PCDHGB3: variants seen among roughly 807,000 people sequenced by gnomAD.
PCDHGB3 encodes the protein protocadherin gamma-B3.
Under a neutral mutation model 59.2 loss-of-function variants are expected in PCDHGB3, and 40 were observed. The observed-to-expected ratio is 0.68, with a 90% CI of 0.52 to 0.88. PCDHGB3 has a LOEUF of 0.88. Ranked by LOEUF, PCDHGB3 falls within the 40% of genes least tolerant of loss-of-function variation. The probability of loss-of-function intolerance (pLI) is 0.00; values close to 1 mark genes in which losing one functional copy is unlikely to be tolerated. For synonymous variants in PCDHGB3, 581 were observed against 503.6 expected (o/e 1.15, Z -2.06); for missense variants, 1,309 against 1,187.9 (o/e 1.10, Z -1.50).
intron 2 of PCDHGB3, 30 bp from the exon 3 acceptor site, chr5:141,505,361 AGT>A: frequency 6.2e-7 from 1 of 1,613,910 alleles, no homozygotes; most frequent in Non-Finnish European, 8.5e-7. Context: ...CCGGCCTGGG[AGT>A]CTGTGCTCAC....
chr5:141,457,020 C>A (rs2098903789), intron 1 of PCDHGB3, among the ~76,000 whole-genome samples: 1 of 152,086 alleles, frequency 6.6e-6, no homozygotes, highest in Non-Finnish European at 1.5e-5. Flanking sequence ...AATAAAAAGT[C>A]CTAGTAGACT....
intron 1 of PCDHGB3, chr5:141,399,958 G>C: frequency 1.2e-6 from 2 of 1,612,122 alleles, no homozygotes; most frequent in Middle Eastern, 3.8e-4. Context: ...TAGCGAGCCC[G>C]GGCTCTTCAG....
Position 141,372,026 on chromosome 5 carries a change from C to T in PCDHGB3, c.1632C>T (p.Ala544=), listed in dbSNP as rs1469685060. 6.2e-7 allele frequency: 1 copy of T among 1,613,330 alleles called. No homozygotes were observed. Among genetic ancestry groups the T allele is most frequent in the Non-Finnish European group, 8.5e-7 (1 of 1,179,776 alleles). ...ACCAGGGCTCGCCTACGCTCAGCGC[C>T]AACGTGAGCCTGCGCGTGTTGGTGG... ...ARDQGSPTLS[A]NVSLRVLVDD... is the part of the protein sequence containing the mutation. Residue 544 remains alanine, a synonymous_variant, in exon 1 of 4, where the codon GCC becomes GCT. Transcript: ENST00000576222.
chr5:141,392,791 G>T, intron 1 of PCDHGB3: 1 of 1,557,836 alleles, frequency 6.4e-7, no homozygotes, highest in Non-Finnish European at 8.7e-7. Flanking sequence ...AAGATTCTGA[G>T]AGGATTCTGC....
rs1378140695 is a variant in PCDHGB3, at chr5:141,485,189, A to G, written c.2416-9618A>G. On this transcript the variant is annotated intron_variant, in intron 1 of 3. Transcript: ENST00000576222. The surrounding 1 kb of genome is among the most constrained non-coding windows in gnomAD (Gnocchi z 5.7). ...GGCGGCAGCAATGCTCCGCAAGGTGAGAAGCTGGACAGAAATCTGGCGGTG... is the reference window on the plus strand; with the variant it reads ...GGCGGCAGCAATGCTCCGCAAGGTGGGAAGCTGGACAGAAATCTGGCGGTG... 1 of 1,613,726 alleles carries G rather than the reference A, an allele frequency of 6.2e-7. No homozygotes were observed. The highest frequency in any genetic ancestry group is 1.7e-5 in the Admixed American group (1 of 60,020).
chr5:141,470,016 C>T (rs116065751), intron 1 of PCDHGB3, among the ~76,000 whole-genome samples: 69 of 152,264 alleles, frequency 4.5e-4, no homozygotes, highest in Non-Finnish European at 7.2e-4. Flanking sequence ...GTAATCCCAG[C>T]TACTCGGGAT....
intron 1 of PCDHGB3, chr5:141,471,645 T>G (rs891817778): frequency 1.3e-5 from 2 of 152,178 alleles, no homozygotes; most frequent in Non-Finnish European, 2.9e-5. Context: ...AGTAATATAC[T>G]GGATGTGGGG....
Position 141,432,206 on chromosome 5 carries a change from G to T in PCDHGB3, c.2415+59397G>T, listed in dbSNP as rs551220443. ...GACCGCCCACGACCCCGACTGTGAA[G>T]AGAACGCCCAGATCACTTATTCCCT... On this transcript the variant is annotated intron_variant, in intron 1 of 3. Coordinates refer to ENST00000576222, the MANE Select transcript of PCDHGB3 (RefSeq NM_018924.5). The surrounding 1 kb of genome is among the most constrained non-coding windows in gnomAD (Gnocchi z 6.0). 12 of 1,614,214 alleles carry T rather than the reference G, an allele frequency of 7.4e-6. No individual in the cohort carries two copies. The Admixed American group carries it at 8.3e-5, about 11-fold the overall frequency.
Position 141,431,547 on chromosome 5 carries a change from T to C in PCDHGB3, c.2415+58738T>C. On this transcript the variant is annotated intron_variant, in intron 1 of 3. Transcript: ENST00000576222. The surrounding 1 kb of genome is among the most constrained non-coding windows in gnomAD (Gnocchi z 4.8). ...CTGGCCTTGGGCACGCAGCTGCTTG[T>C]AGTCAACGCTACCGACCCTGACGAA... The C allele has an allele frequency of 1.2e-6, 2 of 1,614,096 alleles. No homozygotes were observed. The highest frequency in any genetic ancestry group is 2.2e-5 in the East Asian group (1 of 44,882).
intron 1 of PCDHGB3, among the ~76,000 whole-genome samples, chr5:141,380,434 T>C (rs919623948): frequency 6.6e-6 from 1 of 152,208 alleles, no homozygotes; most frequent in South Asian, 2.1e-4. Flanking sequence ...AGACTTTACA[T>C]AGAATTCTTT....
intron 1 of PCDHGB3, chr5:141,402,918 A>G: frequency 6.4e-7 from 1 of 1,570,054 alleles, no homozygotes; most frequent in Non-Finnish European, 8.6e-7. Context: ...GCGCGCACAG[A>G]GATCCTTTTG....
At chr5:141,423,833 T>A in intron 1 of PCDHGB3, 1 of 1,262,398 alleles carries the variant, frequency 7.9e-7, no homozygotes, top group Non-Finnish European at 1.0e-6. Context: ...TTCATGAGAT[T>A]ACGATAATCT....
chr5:141,419,742 T>G (rs1388509503), intron 1 of PCDHGB3: 3 of 1,613,742 alleles, frequency 1.9e-6, no homozygotes, highest in Non-Finnish European at 2.5e-6. Flanking sequence ...GAGGTGCGCA[T>G]GGTGCGTGCT....
intron 1 of PCDHGB3, among the ~76,000 whole-genome samples, chr5:141,462,448 G>A (rs1435453503): frequency 6.6e-6 from 1 of 152,022 alleles, no homozygotes; most frequent in Non-Finnish European, 1.5e-5. Context: ...ACACAACTGT[G>A]TAACTGAAAA....
Position 141,486,271 on chromosome 5 carries a change from C to G in PCDHGB3, c.2416-8536C>G, listed in dbSNP as rs143039217. ...CCCTCCCCGAGAGTGCAGAACCTGG[C>G]ACTGTGGTGGCACTTATCAGTGTGC... On this transcript the variant is annotated intron_variant, in intron 1 of 3. Coordinates refer to ENST00000576222, the MANE Select transcript of PCDHGB3 (RefSeq NM_018924.5). The surrounding 1 kb of genome is among the most constrained non-coding windows in gnomAD (Gnocchi z 5.0). 6.2e-7 allele frequency: 1 copy of G among 1,613,968 alleles called. No homozygotes were observed. Among genetic ancestry groups the G allele is most frequent in the African/African-American group, 1.3e-5 (1 of 74,902 alleles).
intron 2 of PCDHGB3, 147 bp from the exon 3 acceptor site, chr5:141,505,246 G>A (rs2099844792): frequency 2.1e-6 from 3 of 1,436,556 alleles, no homozygotes; most frequent in African/African-American, 1.4e-5. Flanking sequence ...AAGGATTGTA[G>A]AAGTGCCTCC....
chr5:141,400,646 CTGTCCT>C, intron 1 of PCDHGB3: 1 of 1,222,508 alleles, frequency 8.2e-7, no homozygotes, highest in South Asian at 1.4e-5. Flanking sequence ...GCTCAGAAAG[CTGTCCT>C]ACCATTCTTT....
At chr5:141,396,826 T>C (rs2150684125) in intron 1 of PCDHGB3, among the ~76,000 whole-genome samples, 1 of 152,342 alleles carries the variant, frequency 6.6e-6, no homozygotes, top group South Asian at 2.1e-4. Flanking sequence ...ATGGTGCATA[T>C]TCAGTGGAGT....
At chr5:141,376,223 C>A in intron 1 of PCDHGB3, 3 of 1,614,202 alleles carry the variant, frequency 1.9e-6, no homozygotes, top group Non-Finnish European at 2.5e-6. Context: ...GCTGCTGGCG[C>A]TCAGACTGCA....
Sources: gnomAD v4.1 joint callset for allele counts (sites outside exome capture counted in the v4.1 genomes callset) on GRCh38, gnomAD v4.1.1 for gene constraint, Gnocchi (gnomAD v3.1) non-coding constraint, MANE v1.5 for transcripts, NCBI Gene and HGNC (gene_info 2026-07-23, HGNC 2026-07-21) for gene names.